TRIM66: variants seen among roughly 807,000 people sequenced by gnomAD.
The protein encoded by TRIM66 is tripartite motif containing 66.
A neutral mutation model predicts 148.2 loss-of-function variants in TRIM66; 99 were observed. That is an observed-to-expected ratio of 0.67 (90% CI 0.57 to 0.79). The LOEUF (loss-of-function observed/expected upper bound fraction) is 0.79, where lower values mean the gene tolerates loss of function less well. Ranked by LOEUF, TRIM66 falls within the 30% of genes least tolerant of loss-of-function variation. The pLI is 0.00. For synonymous variants in TRIM66, 616 were observed against 635.9 expected, an observed-to-expected ratio of 0.97 and a Z score of 0.47; for missense variants, 1,666 against 1,697.9, an observed-to-expected ratio of 0.98 and a Z score of 0.33.
Position 8,641,081 on chromosome 11 carries a change from A to T in TRIM66, c.1294T>A (p.Ser432Thr), listed in dbSNP as rs909170439. The T allele has an allele frequency of 6.4e-7, 1 of 1,551,606 alleles. No individual in the cohort carries two copies. The highest frequency in any genetic ancestry group is 1.4e-5 in the African/African-American group (1 of 73,062). ...APAYGGLQGS[S>T]PFYQSHQSPV... ...GACTGGTGGCTTTGATAAAAGGGTG[A>T]TGACCCCTGTAAGCCTCCATAAGCA... Residue 432 changes from serine to threonine, a missense_variant, in exon 14 of 25, where the codon TCA becomes ACA. Physicochemically the swap from Ser to Thr is moderately conservative, Grantham distance 58. Coordinates refer to ENST00000646038, the MANE Select transcript of TRIM66 (RefSeq NM_001388022.1).
upstream of TRIM66, chr11:8,682,854 C>T (rs2039510050): frequency 1.9e-6 from 3 of 1,603,180 alleles, no homozygotes; most frequent in African/African-American, 2.7e-5. Context: ...TCCTTGCCGG[C>T]GGAGACCCCT....
At position 8,655,022 on chromosome 11, in the gene TRIM66, G is replaced by T. The variant is rs1246060532; in HGVS notation, c.341-3119C>A. On this transcript the variant is annotated intron_variant, in intron 6 of 24. Transcript: ENST00000646038. ...ATTACAGGCACCTGCCACTACGCCTGGCTATTTTTGTATTTTTAGTAGAGA... is the reference window on the plus strand; with the variant it reads ...ATTACAGGCACCTGCCACTACGCCTTGCTATTTTTGTATTTTTAGTAGAGA... 3.3e-5 allele frequency among the ~76,000 whole-genome samples: 5 copies of T among 152,158 alleles called. No individual in the cohort carries two copies. The East Asian group carries it at 9.7e-4, about 29-fold the overall frequency.
rs1215579625 is a variant in TRIM66, at chr11:8,634,464, C to T, written c.2310+4190G>A. On this transcript the variant is annotated intron_variant, in intron 15 of 24. Transcript: ENST00000646038. Reference sequence around the variant, plus strand: ...GATTATAGGCGTGAGCCACCACACCCGGCCAACTCCTTTGAGGAAAGGATT... The same window carrying T: ...GATTATAGGCGTGAGCCACCACACCTGGCCAACTCCTTTGAGGAAAGGATT... 7.9e-5 allele frequency among the ~76,000 whole-genome samples: 12 copies of T among 152,320 alleles called. No individual in the cohort carries two copies. In the South Asian group the frequency reaches 1.0e-3, roughly 13 times the overall value.
chr11:8,635,388 T>C (rs905086419), intron 15 of TRIM66, among the ~76,000 whole-genome samples: 17 of 152,190 alleles, frequency 1.1e-4, no homozygotes, highest in Non-Finnish European at 5.9e-5. Flanking sequence ...TATCACTCAA[T>C]GGTAAAAGGC....
chr11:8,658,786 C>T (rs1409982244), intron 6 of TRIM66: 5 of 985,192 alleles, frequency 5.1e-6, no homozygotes, highest in African/African-American at 1.7e-5. Context: ...TCCATGCCCC[C>T]GGCACTGAAG....
Position 8,640,838 on chromosome 11 carries a change from G to T in TRIM66, c.1537C>A (p.Pro513Thr), listed in dbSNP as rs1226576655. 1 of 1,550,504 alleles carries T rather than the reference G, an allele frequency of 6.4e-7. No homozygotes were observed. Among genetic ancestry groups the T allele is most frequent in the African/African-American group, 1.4e-5 (1 of 73,150 alleles). Residue 513 changes from proline to threonine, a missense_variant, in exon 14 of 25, where the codon CCC becomes ACC. Around this residue, in one of 3 missense-constraint regions of TRIM66, gnomAD observed 1,431 missense variants for 1,412.4 expected, o/e 1.01. Coordinates refer to ENST00000646038, the MANE Select transcript of TRIM66 (RefSeq NM_001388022.1). ...LGSLQCSALL[P>T]REKELACSPH... ...CTGCAGGCCAGCTCTTTCTCCCTGG[G>T]CAGCAGGGCAGAGCACTGCAGAGAC...
At chr11:8,656,852 G>T (rs1049658938) in intron 6 of TRIM66, among the ~76,000 whole-genome samples, 1 of 152,164 alleles carries the variant, frequency 6.6e-6, no homozygotes, top group African/African-American at 2.4e-5. Flanking sequence ...CTGTGATGTA[G>T]CTCCCCTCTG....
chr11:8,625,823 C>T (rs1021613375), intron 15 of TRIM66, among the ~76,000 whole-genome samples: 1 of 152,172 alleles, frequency 6.6e-6, no homozygotes, highest in African/African-American at 2.4e-5. Context: ...TCCTGGGGAA[C>T]CTGGGTCAAC....
At chr11:8,618,709 G>A (rs1444199168) in intron 24 of TRIM66, 41 bp downstream of exon 24, 4 of 1,531,960 alleles carry the variant, frequency 2.6e-6, no homozygotes, top group Non-Finnish European at 3.5e-6. Context: ...CTGCTTGCCT[G>A]ATCACCGCCC....
At chr11:8,678,586 T>C (rs1188124154) in intron 3 of TRIM66, among the ~76,000 whole-genome samples, 1 of 152,230 alleles carries the variant, frequency 6.6e-6, no homozygotes, top group African/African-American at 2.4e-5. Flanking sequence ...GTATAATTTT[T>C]CAAGTCTTTC....
intron 10 of TRIM66, among the ~76,000 whole-genome samples, chr11:8,647,118 T>G (rs886366064): frequency 1.1e-4 from 16 of 150,400 alleles, no homozygotes; most frequent in Non-Finnish European, 1.8e-4. Flanking sequence ...TATAAACATA[T>G]AATAATGTTT....
In TRIM66 at chr11:8,621,268, T is replaced by C; in HGVS notation, c.3309A>G (p.Arg1103=). The C allele has an allele frequency of 1.3e-6, 2 of 1,551,682 alleles. No homozygotes were observed. Among genetic ancestry groups the C allele is most frequent in the Non-Finnish European group, 8.7e-7 (1 of 1,146,986 alleles). The change falls in exon 20 of 25, where the codon AGA becomes AGG. Residue 1103 remains arginine (R), a synonymous_variant. Coordinates refer to ENST00000646038, the MANE Select transcript of TRIM66 (RefSeq NM_001388022.1). ...CAGCCAAAGAAGTGACAGTGACCTTTCTTCCCTCCAGACCTGGGGCCTGGG... is the reference window on the plus strand; with the variant it reads ...CAGCCAAAGAAGTGACAGTGACCTTCCTTCCCTCCAGACCTGGGGCCTGGG... ...EATQAPGLEG[R]KVTVTSLAGQ... is the part of the protein sequence containing the mutation.
intron 7 of TRIM66, among the ~76,000 whole-genome samples, chr11:8,651,077 A>C (rs973839336): frequency 2.6e-5 from 4 of 152,196 alleles, no homozygotes; most frequent in Admixed American, 1.3e-4. Context: ...GAGATTTGGA[A>C]AAGTTGGCCT....
intron 6 of TRIM66, among the ~76,000 whole-genome samples, chr11:8,663,734 T>G (rs773515334): frequency 6.6e-6 from 1 of 152,096 alleles, no homozygotes; most frequent in Non-Finnish European, 1.5e-5. Context: ...GGAATCAACC[T>G]AAGTGTCTAC....
In TRIM66 at chr11:8,649,725, A is replaced by T; in HGVS notation, c.592+15T>A. ...TTAGGGCATGGGAGTGGGCAGGGAG[A>T]GGTGGGATTGGTACCTGGAGATCCC... On this transcript the variant is annotated intron_variant, in intron 8 of 24. Coordinates refer to ENST00000646038, the MANE Select transcript of TRIM66 (RefSeq NM_001388022.1). 1 of 1,550,374 alleles carries T rather than the reference A, an allele frequency of 6.5e-7. No individual in the cohort carries two copies. The highest frequency in any genetic ancestry group is 1.2e-5 in the South Asian group (1 of 83,962).
chr11:8,630,132 G>C (rs1168652754), intron 15 of TRIM66, among the ~76,000 whole-genome samples: 1 of 152,214 alleles, frequency 6.6e-6, no homozygotes, highest in Non-Finnish European at 1.5e-5. Context: ...GTGGGGGCAA[G>C]GGTAGGGCCA....
intron 1 of TRIM66, 78 bp downstream of exon 1, chr11:8,682,523 G>C (rs912425760): frequency 5.9e-5 from 30 of 509,948 alleles, no homozygotes; most frequent in Non-Finnish European, 1.0e-4. Flanking sequence ...AGCAAGCACG[G>C]GCGGCGTGCA....
In TRIM66 at chr11:8,625,080, C is replaced by A; in HGVS notation, c.2459G>T (p.Ser820Ile). ...GCTGGACACCATTTTGGGGGGAGCA[C>A]TCAGCAGGCTTGGTACTGCCTGGGG... is the stretch of plus-strand genomic sequence containing the variant. ...GAPQAVPSLL[S>I]APPKMVSSLT... Residue 820 changes from serine (S) to isoleucine (I), a missense_variant, in exon 16 of 25, where the codon AGT becomes ATT. By Grantham distance (142) the Ser-to-Ile change is moderately radical. Around this residue, in one of 3 missense-constraint regions of TRIM66, gnomAD observed 1,431 missense variants for 1,412.4 expected, o/e 1.01. Transcript: ENST00000646038. The A allele has an allele frequency of 6.4e-7, 1 of 1,551,766 alleles. No homozygotes were observed. Among genetic ancestry groups the A allele is most frequent in the Non-Finnish European group, 8.7e-7 (1 of 1,147,014 alleles).
chr11:8,619,270 G>A (rs536713139), intron 23 of TRIM66, 113 bp downstream of exon 23: 2 of 1,246,038 alleles, frequency 1.6e-6, no homozygotes, highest in African/African-American at 1.5e-5. Context: ...CCCAGAATCT[G>A]CTCCCCAGTC....
Sources: gnomAD v4.1 joint callset for allele counts (sites outside exome capture counted in the v4.1 genomes callset) on GRCh38, gnomAD v4.1.1 for gene constraint, gnomAD v4.1.1 regional missense constraint, MANE v1.5 for transcripts, NCBI Gene and HGNC (gene_info 2026-07-23, HGNC 2026-07-21) for gene names.